Variants in A1CF observed in about 807,000 individuals in gnomAD.
The protein encoded by A1CF is APOBEC-1 stimulating protein.
A1CF carries 48 observed loss-of-function variants against 68.9 expected under a neutral mutation model. That is an observed-to-expected ratio of 0.70 (90% CI 0.55 to 0.89). A1CF has a LOEUF of 0.89. A1CF is among the 40% of genes least tolerant of loss of function. The pLI is 0.00. For missense variants in A1CF, 653 were observed against 718.9 expected (o/e 0.91, Z 1.05); for synonymous variants, 272 against 260.4 (o/e 1.04, Z -0.43).
At chr10:50,849,159 G>T (rs1840125907) in intron 3 of A1CF, among the ~76,000 whole-genome samples, 1 of 151,974 alleles carries the variant, frequency 6.6e-6, no homozygotes, top group Non-Finnish European at 1.5e-5. Flanking sequence ...TTTACCTTTG[G>T]TCTCTTCTAA....
chr10:50,816,000 T>C lies in A1CF; in HGVS notation c.1141+6A>G. The C allele has an allele frequency of 6.2e-7, 1 of 1,613,270 alleles. No homozygotes were observed. The highest frequency in any genetic ancestry group is 1.1e-5 in the South Asian group (1 of 91,010). On this transcript the variant is annotated splice_donor_region_variant and intron_variant, in intron 9 of 12. Transcript: ENST00000373997. ...TTACTCTAAAGCAAGATCTGACTGGTGTTACCTCTAACAGAAGGGGCTCGG... is the reference window on the plus strand; with the variant it reads ...TTACTCTAAAGCAAGATCTGACTGGCGTTACCTCTAACAGAAGGGGCTCGG...
intron 9 of A1CF, among the ~76,000 whole-genome samples, chr10:50,814,553 A>C (rs1838277459): frequency 6.6e-6 from 1 of 152,228 alleles, no homozygotes; most frequent in South Asian, 2.1e-4. Flanking sequence ...TTTAGAAAGC[A>C]TGCTTTTAGG....
At chr10:50,860,330 CA>C (rs890973089) in intron 2 of A1CF, among the ~76,000 whole-genome samples, 1 of 152,170 alleles carries the variant, frequency 6.6e-6, no homozygotes, top group African/African-American at 2.4e-5. Context: ...ATGTTCCTTA[CA>C]GACGTGAGAA....
rs145601521 is a variant in A1CF at position 50,813,916 on chromosome 10, C to T, written c.1264G>A (p.Glu422Lys). The change falls in exon 10 of 13, where the codon GAG becomes AAG. Residue 422 changes from glutamate to lysine, a missense_variant. Glu to Lys is a moderately conservative substitution (Grantham distance 56). Transcript: ENST00000373997. ...GTGACAGGATTCATTGGGGTGAGCT[C>T]CATCCCAGGTAAAATGTCATAGAGT... ...DKLYDILPGM[E>K]LTPMNPVTLK... The T allele has an allele frequency of 6.2e-7, 1 of 1,613,858 alleles. No homozygotes were observed. The highest frequency in any genetic ancestry group is 1.1e-5 in the South Asian group (1 of 91,078).
chr10:50,882,646 C>A (rs1564540759), intron 1 of A1CF, among the ~76,000 whole-genome samples: 1 of 152,096 alleles, frequency 6.6e-6, no homozygotes, highest in Admixed American at 6.5e-5. Context: ...TTTCCAGATG[C>A]TTTTCCTGGG....
At chr10:50,835,947 G>T in intron 6 of A1CF, 127 bp downstream of exon 6, 1 of 869,072 alleles carries the variant, frequency 1.2e-6, no homozygotes, top group Non-Finnish European at 1.7e-6. Flanking sequence ...AGACAGTGAA[G>T]AAGGATAAAA....
intron 11 of A1CF, 135 bp from the exon 12 acceptor site, chr10:50,810,177 A>C: frequency 9.9e-7 from 1 of 1,010,664 alleles, no homozygotes; most frequent in Non-Finnish European, 1.4e-6. Flanking sequence ...TCTGTTTGCT[A>C]TTAAAGCTTC....
chr10:50,826,840 A>G (rs1345838705), intron 7 of A1CF, among the ~76,000 whole-genome samples: 1 of 152,176 alleles, frequency 6.6e-6, no homozygotes, highest in East Asian at 1.9e-4. Flanking sequence ...AGACTGGCAA[A>G]TTGGATAAAG....
At chr10:50,839,690 T>C (rs1477466318) in intron 5 of A1CF, among the ~76,000 whole-genome samples, 4 of 152,214 alleles carry the variant, frequency 2.6e-5, no homozygotes, top group Non-Finnish European at 5.9e-5. Context: ...TGGAATTGAA[T>C]GGTTAGACTA....
chr10:50,836,100 G>A lies in A1CF; in HGVS notation c.578C>T (p.Ala193Val). 6.2e-7 allele frequency: 1 copy of A among 1,611,660 alleles called. No individual in the cohort carries two copies. Among genetic ancestry groups the A allele is most frequent in the Non-Finnish European group, 8.5e-7 (1 of 1,178,802 alleles). Residue 193 changes from alanine to valine, a missense_variant, in exon 6 of 13, where the codon GCC (alanine) becomes GTC (valine). Ala to Val is a moderately conservative substitution (Grantham distance 64). Coordinates refer to ENST00000373997, the MANE Select transcript of A1CF (RefSeq NM_014576.4). ...FVEYESHRAA[A>V]MARRKLLPGR... ...TGGTAGCAGTTTCCTCCTCGCCATGGCAGCTGCTCGATGACTCTCATACTC... is the reference window on the plus strand; with the variant it reads ...TGGTAGCAGTTTCCTCCTCGCCATGACAGCTGCTCGATGACTCTCATACTC...
chr10:50,851,314 T>C (rs1435169137), intron 3 of A1CF, among the ~76,000 whole-genome samples: 1 of 152,166 alleles, frequency 6.6e-6, no homozygotes, highest in African/African-American at 2.4e-5. Context: ...GATATCATGT[T>C]TAATGGAGGA....
intron 6 of A1CF, among the ~76,000 whole-genome samples, chr10:50,832,498 G>A (rs908082795): frequency 1.3e-5 from 2 of 152,186 alleles, no homozygotes; most frequent in Admixed American, 1.3e-4. Flanking sequence ...GGACCACGAA[G>A]AGCTGCATAA....
intron 1 of A1CF, among the ~76,000 whole-genome samples, chr10:50,866,068 T>C (rs1408230745): frequency 6.6e-6 from 1 of 152,148 alleles, no homozygotes; most frequent in African/African-American, 2.4e-5. Flanking sequence ...CAGAATTAAA[T>C]TTAATCTGAA....
chr10:50,864,234 C>T (rs1046118719), intron 1 of A1CF, among the ~76,000 whole-genome samples, 154 bp from the exon 2 acceptor site: 1 of 152,106 alleles, frequency 6.6e-6, no homozygotes, highest in South Asian at 2.1e-4. Flanking sequence ...GATGAGCAGG[C>T]TGTGCAACAT....
At chr10:50,861,450 T>C (rs1275260802) in intron 2 of A1CF, among the ~76,000 whole-genome samples, 1 of 149,158 alleles carries the variant, frequency 6.7e-6, no homozygotes, top group Non-Finnish European at 1.5e-5. Flanking sequence ...ATTCTATTAC[T>C]AAAGTAGAGG....
At chr10:50,819,611 C>A (rs924136234) in intron 8 of A1CF, among the ~76,000 whole-genome samples, 1 of 152,104 alleles carries the variant, frequency 6.6e-6, no homozygotes, top group African/African-American at 2.4e-5. Context: ...CTTTTGGGAC[C>A]CTGACCGATG....
chr10:50,831,133 G>A (rs927198632), intron 6 of A1CF, among the ~76,000 whole-genome samples: 1 of 152,130 alleles, frequency 6.6e-6, no homozygotes, highest in Non-Finnish European at 1.5e-5. Flanking sequence ...AGACTTAAAT[G>A]TAAGACTGGA....
chr10:50,837,895 T>G (rs1839581160), intron 5 of A1CF, among the ~76,000 whole-genome samples: 2 of 152,154 alleles, frequency 1.3e-5, no homozygotes, highest in South Asian at 4.1e-4. Flanking sequence ...AAAATAAGTA[T>G]ATGTGAAGGC....
At chr10:50,879,897 G>C (rs17500776) in intron 1 of A1CF, among the ~76,000 whole-genome samples, 34,675 of 152,120 alleles carry the variant, frequency 0.23, 4,549 homozygotes, top group South Asian at 0.33. Context: ...TCTCTGGCTA[G>C]GTCAGTCCAT....
Sources: gnomAD v4.1 joint callset for allele counts (sites outside exome capture counted in the v4.1 genomes callset) on GRCh38, gnomAD v4.1.1 for gene constraint, MANE v1.5 for transcripts, NCBI Gene and HGNC (gene_info 2026-07-23, HGNC 2026-07-21) for gene names.